EGLN1: variants seen among roughly 807,000 people sequenced by gnomAD.
EGLN1 encodes egl nine homolog 1.
Under a neutral mutation model 38.3 loss-of-function variants are expected in EGLN1, and 17 were observed. The ratio of observed to expected loss-of-function variants is 0.44; its 90% CI spans 0.30 to 0.67. EGLN1 has a LOEUF of 0.67. EGLN1 is among the 30% of genes least tolerant of loss of function. The pLI is 0.08. For missense variants in EGLN1, 477 were observed against 603.3 expected, an observed-to-expected ratio of 0.79 and a Z score of 2.19; for synonymous variants, 283 against 257.5, an observed-to-expected ratio of 1.10 and a Z score of -0.95.
intron 1 of EGLN1, among the ~76,000 whole-genome samples, chr1:231,399,721 G>A (rs1688618054): frequency 1.3e-5 from 2 of 152,166 alleles, no homozygotes; most frequent in Admixed American, 6.5e-5. Flanking sequence ...TGAGAAGGCA[G>A]ATAACTTGCT....
intron 1 of EGLN1, among the ~76,000 whole-genome samples, chr1:231,412,146 A>C (rs1422106030): frequency 6.6e-6 from 1 of 150,424 alleles, no homozygotes; most frequent in East Asian, 2.0e-4. Context: ...CATCAAAGGG[A>C]TGAAAGGCTC....
intron 1 of EGLN1, among the ~76,000 whole-genome samples, chr1:231,406,541 A>G (rs1688800561): frequency 6.6e-6 from 1 of 152,120 alleles, no homozygotes; most frequent in Non-Finnish European, 1.5e-5. Flanking sequence ...GGATATACAT[A>G]CCATTATTTA....
intron 1 of EGLN1, among the ~76,000 whole-genome samples, chr1:231,385,663 C>T (rs906871347): frequency 6.6e-6 from 1 of 152,078 alleles, no homozygotes; most frequent in African/African-American, 2.4e-5. Flanking sequence ...TAACAGGGAG[C>T]CACTGAAGAG....
intron 1 of EGLN1, among the ~76,000 whole-genome samples, chr1:231,391,063 T>TGTGTGTGA (rs143905935): frequency 1.2e-5 from 1 of 83,080 alleles, no homozygotes; most frequent in Non-Finnish European, 2.8e-5. Context: ...CGTGTGTGTG[T>TGTGTGTGA]GAGACAGGGA....
At chr1:231,409,135 G>A (rs1688865562) in intron 1 of EGLN1, among the ~76,000 whole-genome samples, 1 of 150,628 alleles carries the variant, frequency 6.6e-6, no homozygotes, top group Admixed American at 6.6e-5. Context: ...TTTTCAAACT[G>A]ATAAAGGAAA....
At chr1:231,381,914 G>A (rs941433436) in intron 1 of EGLN1, among the ~76,000 whole-genome samples, 1 of 152,170 alleles carries the variant, frequency 6.6e-6, no homozygotes, top group African/African-American at 2.4e-5. Context: ...TCCACAAGGA[G>A]ACTGGGGATC....
rs774670831 is a variant in EGLN1 at position 231,421,680 on chromosome 1, C to T, written c.209G>A (p.Gly70Asp). Residue 70 changes from glycine (G) to aspartate (D), a missense_variant, in exon 1 of 5, where the codon GGC (glycine) becomes GAC (aspartate). Around this residue, in one of 4 missense-constraint regions of EGLN1, gnomAD observed 298 missense variants for 288.9 expected, o/e 1.03. Transcript: ENST00000366641. The surrounding 1 kb of genome is among the most constrained non-coding windows in gnomAD (Gnocchi z 5.5). ...GSEGALGHGV[G>D]PHQHSGPAPP... ...CGCGGGGCCGGAATGCTGGTGTGGG[C>T]CCACTCCGTGGCCGAGGGCGCCCTC... is the stretch of plus-strand genomic sequence containing the variant. The T allele has an allele frequency of 1.3e-6, 2 of 1,502,558 alleles. No homozygotes were observed. The highest frequency in any genetic ancestry group is 1.2e-5 in the South Asian group (1 of 81,304). The allele number at this position is 1,502,558 out of a possible 1,614,324, so 93.1% of individuals were successfully genotyped here.
intron 1 of EGLN1, among the ~76,000 whole-genome samples, chr1:231,395,486 C>T (rs743120): frequency 0.55 from 82,891 of 152,056 alleles, 24,219 homozygotes; most frequent in Non-Finnish European, 0.65. Flanking sequence ...TTTTCAAACT[C>T]TGGACTCAGA....
chr1:231,371,621 A>G (rs1019018636), intron 2 of EGLN1, among the ~76,000 whole-genome samples: 2 of 152,202 alleles, frequency 1.3e-5, no homozygotes, highest in South Asian at 2.1e-4. Context: ...CCCATAAAGG[A>G]TTATTATTTA....
At chr1:231,403,767 CAAAA>C (rs1167705317) in intron 1 of EGLN1, among the ~76,000 whole-genome samples, 1 of 18,302 alleles carries the variant, frequency 5.5e-5, no homozygotes, top group African/African-American at 1.6e-4. Context: ...GACTCCATCT[CAAAA>C]AAAAAAAAAA....
intron 1 of EGLN1, among the ~76,000 whole-genome samples, chr1:231,404,607 G>A (rs1034203518): frequency 7.3e-5 from 11 of 151,532 alleles, no homozygotes; most frequent in South Asian, 4.2e-4. Context: ...GCAAGACCCC[G>A]TCTCTAAAAA....
intron 1 of EGLN1, among the ~76,000 whole-genome samples, chr1:231,388,926 A>G (rs1688300235): frequency 6.6e-6 from 1 of 152,314 alleles, no homozygotes; most frequent in Non-Finnish European, 1.5e-5. Context: ...AAATGCTAGG[A>G]TTACAGGCGT....
chr1:231,384,235 C>T (rs1458778537), intron 1 of EGLN1, among the ~76,000 whole-genome samples: 1 of 152,058 alleles, frequency 6.6e-6, no homozygotes, highest in Non-Finnish European at 1.5e-5. Context: ...ATTTTCTGAG[C>T]ACCTACTATA....
chr1:231,416,724 A>G (rs569554158), intron 1 of EGLN1, among the ~76,000 whole-genome samples: 7 of 152,242 alleles, frequency 4.6e-5, no homozygotes, highest in Admixed American at 3.3e-4. Flanking sequence ...GTTAGTTTAC[A>G]TGTAAACTAC....
At chr1:231,396,660 A>G (rs1688539242) in intron 1 of EGLN1, among the ~76,000 whole-genome samples, 1 of 152,212 alleles carries the variant, frequency 6.6e-6, no homozygotes. Flanking sequence ...TGCTCTCCAG[A>G]GCCTTAAGTC....
In EGLN1 at chr1:231,421,032, T is replaced by C. The variant is rs1473066514; in HGVS notation, c.857A>G (p.Lys286Arg). The change falls in exon 1 of 5, where the codon AAG becomes AGG. Residue 286 changes from lysine (K) to arginine (R), a missense_variant. Physicochemically the swap from Lys to Arg is conservative, Grantham distance 26. Coordinates refer to ENST00000366641, the MANE Select transcript of EGLN1 (RefSeq NM_022051.3). The surrounding 1 kb of genome is among the most constrained non-coding windows in gnomAD (Gnocchi z 5.5). ...MDDLIRHCNG[K>R]LGSYKINGRT... Reference sequence around the variant, plus strand: ...GCCATTGATTTTGTAGCTGCCCAGCTTCCCGTTACAGTGGCGTATCAGGTC... The same window carrying C: ...GCCATTGATTTTGTAGCTGCCCAGCCTCCCGTTACAGTGGCGTATCAGGTC... The C allele has an allele frequency of 2.5e-6, 4 of 1,614,102 alleles. No homozygotes were observed. In the South Asian group the frequency reaches 4.4e-5, roughly 18 times the overall value.
At position 231,414,572 on chromosome 1, in the gene EGLN1, A is replaced by G. The variant is rs532987775; in HGVS notation, c.891+6426T>C. Among the ~76,000 whole-genome samples the G allele has an allele frequency of 1.4e-4, 22 of 152,278 alleles. No homozygotes were observed. In the South Asian group the frequency reaches 4.1e-3, roughly 29 times the overall value. On this transcript the variant is annotated intron_variant, in intron 1 of 4. Coordinates refer to ENST00000366641, the MANE Select transcript of EGLN1 (RefSeq NM_022051.3). Reference sequence around the variant, plus strand: ...GAGGAAAGACAGATGGATAAAGAACATTTAAGAAAATTAGGTAGGAGAAAA... The same window carrying G: ...GAGGAAAGACAGATGGATAAAGAACGTTTAAGAAAATTAGGTAGGAGAAAA...
At chr1:231,385,680 A>C (rs1218184439) in intron 1 of EGLN1, among the ~76,000 whole-genome samples, 1 of 152,174 alleles carries the variant, frequency 6.6e-6, no homozygotes, top group African/African-American at 2.4e-5. Flanking sequence ...AGAGGTTTAA[A>C]CAAAGAAGTG....
chr1:231,417,685 A>G (rs1689120835), intron 1 of EGLN1, among the ~76,000 whole-genome samples: 1 of 152,230 alleles, frequency 6.6e-6, no homozygotes, highest in Admixed American at 6.5e-5. Flanking sequence ...ATCAGTGGCT[A>G]CAATTACATT....
Sources: allele counts gnomAD v4.1 joint callset (sites outside exome capture counted in the v4.1 genomes callset), GRCh38; gene constraint gnomAD v4.1.1; regional missense constraint gnomAD v4.1.1; non-coding constraint Gnocchi (gnomAD v3.1); transcripts MANE v1.5; gene names NCBI Gene and HGNC (gene_info 2026-07-23, HGNC 2026-07-21).